IGSF21: variants seen among roughly 807,000 people sequenced by gnomAD.
The protein encoded by IGSF21 is immunoglobulin superfamily member 21.
In IGSF21, 28 loss-of-function variants were observed where a neutral mutation model predicts 46.8. That is an observed-to-expected ratio of 0.60 (90% CI 0.44 to 0.82). The LOEUF is 0.82. IGSF21 is among the 40% of genes least tolerant of loss of function. The pLI is 0.00. For missense variants in IGSF21, 624 were observed against 665.5 expected (o/e 0.94, Z 0.69); for synonymous variants, 284 against 273.6 (o/e 1.04, Z -0.38).
chr1:18,170,884 T>G (rs1056866759), intron 1 of IGSF21, among the ~76,000 whole-genome samples: 4 of 152,166 alleles, frequency 2.6e-5, no homozygotes, highest in African/African-American at 9.7e-5. Flanking sequence ...CAGGGTAGGT[T>G]GCACCTTCAG....
rs574647085 is a variant in IGSF21, at chr1:18,212,559, C to G, written c.71-15339C>G. Among the ~76,000 whole-genome samples the G allele has an allele frequency of 1.3e-4, 20 of 152,312 alleles. 2 individuals are homozygous for G. Among genetic ancestry groups the G allele is most frequent in the Middle Eastern group, 3.4e-3 (1 of 294 alleles). On this transcript the variant is annotated intron_variant, in intron 1 of 9. Coordinates refer to ENST00000251296, the MANE Select transcript of IGSF21 (RefSeq NM_032880.5). The stretch of plus-strand genomic sequence containing the variant: ...AGGAGTAGGGACTTGCCCTTTGTGT[C>G]CATGGCAGAATGAGGGCTAGCCCGG...
At chr1:18,233,388 T>G (rs1330722888) in intron 2 of IGSF21, among the ~76,000 whole-genome samples, 1 of 152,116 alleles carries the variant, frequency 6.6e-6, no homozygotes, top group Non-Finnish European at 1.5e-5. Flanking sequence ...CTTGGGACCA[T>G]TTGAAAAGGA....
chr1:18,298,786 G>A (rs1326023623), intron 3 of IGSF21, among the ~76,000 whole-genome samples: 1 of 152,202 alleles, frequency 6.6e-6, no homozygotes, highest in African/African-American at 2.4e-5. Context: ...GTGCACAAAA[G>A]TGGCTAAAAT....
intron 3 of IGSF21, among the ~76,000 whole-genome samples, chr1:18,308,810 A>G (rs1240601247): frequency 1.3e-5 from 2 of 152,148 alleles, no homozygotes; most frequent in Non-Finnish European, 2.9e-5. Flanking sequence ...TGGGCCCAGC[A>G]GAGCCTGAGT....
chr1:18,230,747 G>A lies in IGSF21; in HGVS notation c.183+2737G>A, dbSNP rs535026109. 2.6e-5 allele frequency among the ~76,000 whole-genome samples: 4 copies of A among 152,190 alleles called. No individual in the cohort carries two copies. The South Asian group carries it at 8.3e-4, about 32-fold the overall frequency. On this transcript the variant is annotated intron_variant, in intron 2 of 9. Transcript: ENST00000251296. ...GAGGCAGCTGAAGGGAGAGAGATAA[G>A]AGCCTACCAAGATGGGGGCTCCAGG...
chr1:18,154,465 C>T (rs1000643610), intron 1 of IGSF21, among the ~76,000 whole-genome samples: 4 of 152,064 alleles, frequency 2.6e-5, no homozygotes, highest in African/African-American at 7.2e-5. Context: ...TCTTGGCTCA[C>T]GGAGGCTGGG....
At chr1:18,375,336 A>G (rs1370094551) in intron 6 of IGSF21, among the ~76,000 whole-genome samples, 1 of 152,114 alleles carries the variant, frequency 6.6e-6, no homozygotes, top group Non-Finnish European at 1.5e-5. Context: ...TCTGGGGGAA[A>G]GAGTGCTGGC....
chr1:18,239,078 CTA>C (rs1446322711), intron 2 of IGSF21, among the ~76,000 whole-genome samples: 11 of 1,016 alleles, frequency 0.011, no homozygotes, highest in Non-Finnish European at 0.028. Flanking sequence ...GCCTGAGCTA[CTA>C]CTGTTGGGGC....
At chr1:18,251,543 G>A (rs776654934) in intron 2 of IGSF21, among the ~76,000 whole-genome samples, 1 of 152,166 alleles carries the variant, frequency 6.6e-6, no homozygotes, top group Non-Finnish European at 1.5e-5. Context: ...ACAAAACCAA[G>A]AGAGTCATGT....
At chr1:18,275,383 C>A (rs1014016638) in intron 2 of IGSF21, among the ~76,000 whole-genome samples, 2 of 152,186 alleles carry the variant, frequency 1.3e-5, no homozygotes, top group Admixed American at 1.3e-4. Context: ...GAGAACTGAC[C>A]TTCCCGTCTC....
At chr1:18,227,866 C>T (rs759597698) in intron 1 of IGSF21, 32 bp from the exon 2 acceptor site, 6 of 1,540,776 alleles carry the variant, frequency 3.9e-6, no homozygotes, top group South Asian at 1.1e-5. Context: ...TCTGCTCGTG[C>T]CCTTACCACC....
chr1:18,108,718 GGTAT>G (rs2086114633), intron 1 of IGSF21, among the ~76,000 whole-genome samples: 1 of 151,840 alleles, frequency 6.6e-6, no homozygotes, highest in African/African-American at 2.4e-5. Flanking sequence ...TTAGGGGGTG[GGTAT>G]GTGAGGTTTG....
rs1270532087 is a variant in IGSF21 at position 18,337,035 on chromosome 1, G to A, written c.424+2025G>A. Among the ~76,000 whole-genome samples the A allele has an allele frequency of 6.6e-6, 1 of 152,206 alleles. No homozygotes were observed. The highest frequency in any genetic ancestry group is 1.9e-4 in the East Asian group (1 of 5,194). On this transcript the variant is annotated intron_variant, in intron 4 of 9. Transcript: ENST00000251296. This position sits in a 1 kb window ranked among gnomAD's most constrained non-coding sequence, Gnocchi z 5.7. ...CCACTAGGTCCCTCCTACAACACAT[G>A]GGAATTGTGGGAGCTACAGTATAAG... is the stretch of plus-strand genomic sequence containing the variant.
At chr1:18,207,421 T>A (rs1291122171) in intron 1 of IGSF21, among the ~76,000 whole-genome samples, 8 of 152,192 alleles carry the variant, frequency 5.3e-5, no homozygotes, top group Admixed American at 2.6e-4. Flanking sequence ...GGGATCGTTT[T>A]TAGAATTCTG....
chr1:18,194,337 C>T (rs1455370662), intron 1 of IGSF21, among the ~76,000 whole-genome samples: 2 of 152,210 alleles, frequency 1.3e-5, no homozygotes, highest in Non-Finnish European at 2.9e-5. Flanking sequence ...ATTATCTTAG[C>T]TTCCTAGGGT....
At chr1:18,345,120 C>T (rs1238840079) in intron 4 of IGSF21, among the ~76,000 whole-genome samples, 2 of 152,198 alleles carry the variant, frequency 1.3e-5, no homozygotes, top group Non-Finnish European at 2.9e-5. Context: ...AGCCCATTCC[C>T]AAGCCCTCTC....
intron 4 of IGSF21, among the ~76,000 whole-genome samples, chr1:18,352,106 T>C (rs2085963771): frequency 6.6e-6 from 1 of 152,184 alleles, no homozygotes; most frequent in South Asian, 2.1e-4. Context: ...AATCAGCGTA[T>C]AGGGCCAGGG....
rs142406048 is a variant in IGSF21, at chr1:18,140,926, G to A, written c.70+32728G>A. Among the ~76,000 whole-genome samples the A allele has an allele frequency of 4.8e-3, 731 of 152,300 alleles. 6 individuals are homozygous for A. Among genetic ancestry groups the A allele is most frequent in the African/African-American group, 0.017 (699 of 41,564 alleles). ...AGGAGGTAGCCCAGGTGTGAATCTT[G>A]TACACCCCTTAGCCCTCTGCTCCCT... is the stretch of plus-strand genomic sequence containing the variant. On this transcript the variant is annotated intron_variant, in intron 1 of 9. Transcript: ENST00000251296.
At chr1:18,342,490 C>T (rs1278372492) in intron 4 of IGSF21, among the ~76,000 whole-genome samples, 1 of 152,188 alleles carries the variant, frequency 6.6e-6, no homozygotes, top group Non-Finnish European at 1.5e-5. Flanking sequence ...TTACCATATT[C>T]ACAGAGTTGT....
Sources: gnomAD v4.1 joint callset for allele counts (sites outside exome capture counted in the v4.1 genomes callset) on GRCh38, gnomAD v4.1.1 for gene constraint, Gnocchi (gnomAD v3.1) non-coding constraint, MANE v1.5 for transcripts, NCBI Gene and HGNC (gene_info 2026-07-23, HGNC 2026-07-21) for gene names.